GREB1L: variants seen among roughly 807,000 people sequenced by gnomAD.
GREB1L encodes the protein GREB1 like retinoic acid receptor coactivator.
Under a neutral mutation model 200.8 loss-of-function variants are expected in GREB1L, and 17 were observed. The ratio of observed to expected loss-of-function variants is 0.08; its 90% confidence interval spans 0.06 to 0.13. The LOEUF (loss-of-function observed/expected upper bound fraction) is 0.13, where lower values mean the gene tolerates loss of function less well. GREB1L is among the 10% of genes least tolerant of loss of function. The pLI, the probability that GREB1L is intolerant of heterozygous loss-of-function variation, is 1.00. For synonymous variants in GREB1L, 789 were observed against 893.0 expected (o/e 0.88, Z 2.08); for missense variants, 1,657 against 2,367.7 (o/e 0.70, Z 6.23).
At chr18:21,414,577 A>G (rs1455467378) in intron 7 of GREB1L, among the ~76,000 whole-genome samples, 1 of 152,212 alleles carries the variant, frequency 6.6e-6, no homozygotes, top group Non-Finnish European at 1.5e-5. Flanking sequence ...TAACATAACT[A>G]GATTTTGAAC....
intron 7 of GREB1L, among the ~76,000 whole-genome samples, chr18:21,416,075 A>G (rs1237735608): frequency 6.6e-6 from 1 of 152,226 alleles, no homozygotes; most frequent in Non-Finnish European, 1.5e-5. Context: ...GACAATTATT[A>G]TAACTATATT....
chr18:21,490,114 C>G lies in GREB1L; in HGVS notation c.2793C>G (p.His931Gln). 1 of 1,551,910 alleles carries G rather than the reference C, an allele frequency of 6.4e-7. No homozygotes were observed. The change falls in exon 19 of 33, where the codon CAC becomes CAG. Residue 931 changes from histidine to glutamine, a missense_variant. By Grantham distance (24) the His-to-Gln change is conservative. This residue lies in a region of GREB1L where 82 missense variants were observed against 95.9 expected (regional missense o/e 0.85). Transcript: ENST00000424526. ...ALTTMASLRD[H>Q]STPETLSIMD... ...CCACCATGGCGTCACTCCGCGACCA[C>G]AGCACACCAGAAACACTCAGCATTA... is the stretch of plus-strand genomic sequence containing the variant.
intron 2 of GREB1L, among the ~76,000 whole-genome samples, chr18:21,376,146 T>C (rs1387670245): frequency 6.6e-6 from 1 of 151,810 alleles, no homozygotes; most frequent in African/African-American, 2.4e-5. Context: ...TGAGATGGAG[T>C]TTTGCTCTTG....
chr18:21,276,574 T>C (rs764725931), intron 1 of GREB1L, among the ~76,000 whole-genome samples: 2 of 152,188 alleles, frequency 1.3e-5, no homozygotes, highest in Non-Finnish European at 2.9e-5. Flanking sequence ...TGAACTTGGC[T>C]TCTACTGCAC....
At chr18:21,498,247 T>C (rs574973950) in intron 21 of GREB1L, among the ~76,000 whole-genome samples, 35 of 152,262 alleles carry the variant, frequency 2.3e-4, no homozygotes, top group African/African-American at 8.4e-4. Flanking sequence ...AGCTGCTGGA[T>C]GGCTCTGGGC....
intron 10 of GREB1L, 94 bp downstream of exon 10, chr18:21,441,631 TCATC>T: frequency 8.7e-7 from 1 of 1,144,466 alleles, no homozygotes; most frequent in Non-Finnish European, 1.2e-6. Flanking sequence ...ATGAAGATAT[TCATC>T]CATCTGTTGA....
Position 21,385,826 on chromosome 18 carries a change from G to T in GREB1L, c.355+1423G>T, listed in dbSNP as rs535305583. Among the ~76,000 whole-genome samples the T allele has an allele frequency of 3.9e-5, 6 of 152,294 alleles. No individual in the cohort carries two copies. The South Asian group carries it at 1.2e-3, about 32-fold the overall frequency. On this transcript the variant is annotated intron_variant, in intron 4 of 32. Coordinates refer to ENST00000424526, the MANE Select transcript of GREB1L (RefSeq NM_001142966.3). The stretch of plus-strand genomic sequence containing the variant: ...AGAGTTACATAGAGTAAAAGCTTTA[G>T]AGGATAATTTTCAAATATCTAATTT...
intron 18 of GREB1L, among the ~76,000 whole-genome samples, chr18:21,489,521 C>T (rs2036250635): frequency 6.6e-6 from 1 of 152,190 alleles, no homozygotes; most frequent in Admixed American, 6.5e-5. Context: ...GTGGACAGTG[C>T]TGCCATTCTA....
At chr18:21,517,616 T>A (rs910077340) in intron 30 of GREB1L, among the ~76,000 whole-genome samples, 15 of 152,332 alleles carry the variant, frequency 9.8e-5, no homozygotes, top group African/African-American at 3.6e-4. Flanking sequence ...TACCCTTTTC[T>A]AAGAAATCTA....
At chr18:21,408,438 A>G (rs566276962) in intron 7 of GREB1L, among the ~76,000 whole-genome samples, 3 of 152,326 alleles carry the variant, frequency 2.0e-5, no homozygotes, top group Non-Finnish European at 2.9e-5. Flanking sequence ...AATAATAGAT[A>G]CAAATGGCTA....
intron 1 of GREB1L, among the ~76,000 whole-genome samples, chr18:21,357,252 C>T (rs2039517876): frequency 6.6e-6 from 1 of 152,184 alleles, no homozygotes; most frequent in Non-Finnish European, 1.5e-5. Context: ...CAGGGTTTCA[C>T]CATGTTAGCC....
At chr18:21,387,462 G>A (rs567318119) in intron 4 of GREB1L, 17 of 152,182 alleles carry the variant, frequency 1.1e-4, no homozygotes, top group Non-Finnish European at 2.4e-4. Context: ...AATTATTTCA[G>A]GGGCAGATTT....
chr18:21,423,325 T>A (rs1275276312), intron 7 of GREB1L, among the ~76,000 whole-genome samples: 4 of 152,210 alleles, frequency 2.6e-5, no homozygotes, highest in African/African-American at 9.7e-5. Context: ...AACTCTAAGT[T>A]CATAACCTTT....
chr18:21,384,182 G>A (rs1303910181), intron 3 of GREB1L, 24 bp from the exon 4 acceptor site: 1 of 1,432,058 alleles, frequency 7.0e-7, no homozygotes, highest in East Asian at 2.5e-5. Context: ...TATTAAATCT[G>A]CTGTGATTTA....
At chr18:21,421,155 A>G (rs2032115816) in intron 7 of GREB1L, among the ~76,000 whole-genome samples, 1 of 152,188 alleles carries the variant, frequency 6.6e-6, no homozygotes, top group Non-Finnish European at 1.5e-5. Context: ...AAAGAGGTAC[A>G]AGGAAACGTG....
chr18:21,438,354 G>A (rs1283942951), intron 7 of GREB1L, among the ~76,000 whole-genome samples: 1 of 152,068 alleles, frequency 6.6e-6, no homozygotes, highest in African/African-American at 2.4e-5. Context: ...TTTTAAAAGA[G>A]TCTTTTTCTT....
intron 15 of GREB1L, among the ~76,000 whole-genome samples, chr18:21,472,062 T>G (rs1441161463): frequency 1.3e-5 from 2 of 152,210 alleles, no homozygotes; most frequent in Non-Finnish European, 2.9e-5. Context: ...TAATGAACAG[T>G]GTTTGAAAGC....
chr18:21,472,116 CAT>C (rs1338874032), intron 15 of GREB1L, among the ~76,000 whole-genome samples: 1 of 152,120 alleles, frequency 6.6e-6, no homozygotes, highest in African/African-American at 2.4e-5. Flanking sequence ...AAGAATTTTT[CAT>C]ATGGTAAAAC....
rs745423470 is a variant in GREB1L, at chr18:21,394,931, TA to T, written c.356-431del. On this transcript the variant is annotated intron_variant, in intron 4 of 32. Coordinates refer to ENST00000424526, the MANE Select transcript of GREB1L (RefSeq NM_001142966.3). ...CAACATGGGGAAGCTCCATCTCTAC[TA>T]AAAAAAAAAAAAAAAAAAAAAATTA... is the stretch of plus-strand genomic sequence containing the variant. Among the ~76,000 whole-genome samples, 484 of 82,654 alleles carry T rather than the reference TA, an allele frequency of 5.9e-3. 3 individuals are homozygous for T. Among genetic ancestry groups the T allele is most frequent in the Middle Eastern group, 0.022 (3 of 134 alleles). 54.2% of individuals were successfully genotyped at this position (82,654 alleles called of 152,430 possible). A position where few individuals can be genotyped will look rare whatever the true frequency, so the allele number is the denominator to read the frequency against.
Sources: allele counts gnomAD v4.1 joint callset (sites outside exome capture counted in the v4.1 genomes callset), GRCh38; gene constraint gnomAD v4.1.1; regional missense constraint gnomAD v4.1.1; transcripts MANE v1.5; gene names NCBI Gene and HGNC (gene_info 2026-07-23, HGNC 2026-07-21).